Variants in DLG5 observed in about 807,000 individuals in gnomAD.
DLG5 encodes discs large MAGUK scaffold protein 5.
A neutral mutation model predicts 189.8 loss-of-function variants in DLG5; 48 were observed. The ratio of observed to expected loss-of-function variants is 0.25; its 90% CI spans 0.20 to 0.32. The LOEUF (loss-of-function observed/expected upper bound fraction) is 0.32, where lower values mean the gene tolerates loss of function less well. DLG5 is among the 10% of genes least tolerant of loss of function. DLG5 has a pLI of 1.00. For missense variants in DLG5, 2,160 were observed against 2,544.7 expected (o/e 0.85, Z 3.25); for synonymous variants, 1,016 against 1,054.1 (o/e 0.96, Z 0.70).
At chr10:77,930,408 C>T (rs141713381), upstream of DLG5, among the ~76,000 whole-genome samples, 1,366 of 148,534 alleles carry the variant, frequency 9.2e-3, 23 homozygotes, top group African/African-American at 0.032. Context: ...AGTGCAGTGG[C>T]GTGATTTTGG....
chr10:77,861,293 C>G (rs899753969), intron 2 of DLG5, among the ~76,000 whole-genome samples: 7 of 152,212 alleles, frequency 4.6e-5, no homozygotes, highest in Non-Finnish European at 1.0e-4. Flanking sequence ...ATGCTATAGT[C>G]AAGTTCAAGA....
At chr10:77,804,946 A>G (rs1342625310) in intron 27 of DLG5, among the ~76,000 whole-genome samples, 1 of 152,114 alleles carries the variant, frequency 6.6e-6, no homozygotes, top group Non-Finnish European at 1.5e-5. Context: ...GAGGCCAGCA[A>G]TGCACCCAGC....
intron 7 of DLG5, among the ~76,000 whole-genome samples, chr10:77,837,994 C>T (rs1353928179): frequency 6.6e-6 from 1 of 152,140 alleles, no homozygotes; most frequent in Admixed American, 6.5e-5. Context: ...GGAGTGGTGC[C>T]CCTGAGCAGA....
Position 77,839,396 on chromosome 10 carries a change from G to C in DLG5, c.1437+2485C>G, listed in dbSNP as rs574669039. Among the ~76,000 whole-genome samples, 3 of 152,264 alleles carry C rather than the reference G, an allele frequency of 2.0e-5. No individual in the cohort carries two copies. In the South Asian group the frequency reaches 6.2e-4, roughly 32 times the overall value. ...AGTGTCTATAATCCCAGCTACTCAGGAGGCTGAGGCAAGAGGATCGCTGGA... is the reference window on the plus strand; with the variant it reads ...AGTGTCTATAATCCCAGCTACTCAGCAGGCTGAGGCAAGAGGATCGCTGGA... On this transcript the variant is annotated intron_variant, in intron 7 of 31. Transcript: ENST00000372391.
intron 1 of DLG5, among the ~76,000 whole-genome samples, chr10:77,875,670 T>C (rs1410379911): frequency 6.6e-6 from 1 of 152,130 alleles, no homozygotes; most frequent in African/African-American, 2.4e-5. Flanking sequence ...CGGAGTGCTA[T>C]CACCTTTGGC....
Position 77,812,052 on chromosome 10 carries a change from G to A in DLG5, c.4194C>T (p.Asn1398=), listed in dbSNP as rs111845192. 68 of 1,609,722 alleles carry A rather than the reference G, an allele frequency of 4.2e-5. No homozygotes were observed. In the Middle Eastern group the frequency reaches 5.0e-4, roughly 12 times the overall value. ...CCGTGGCGCTCCGCAGGTTTATGCC[G>A]TTGAACTGGGGAAACACCAGGATGG... ...LEYGDQLLEF[N]GINLRSATEQ... The change falls in exon 22 of 32, where the codon AAC becomes AAT. Residue 1398 remains asparagine (N), a synonymous_variant. Transcript: ENST00000372391.
At chr10:77,887,548 T>C (rs1198898112) in intron 1 of DLG5, among the ~76,000 whole-genome samples, 1 of 152,172 alleles carries the variant, frequency 6.6e-6, no homozygotes, top group African/African-American at 2.4e-5. Flanking sequence ...AGAAAAAAGC[T>C]AACACGGTTA....
chr10:77,843,736 G>T, intron 5 of DLG5, 30 bp from the exon 6 acceptor site: 1 of 1,612,396 alleles, frequency 6.2e-7, no homozygotes, highest in Non-Finnish European at 8.5e-7. Context: ...ACTTACCAAG[G>T]GTCTGTGGGA....
intron 20 of DLG5, 68 bp downstream of exon 20, chr10:77,816,483 C>T: frequency 1.9e-6 from 3 of 1,609,362 alleles, no homozygotes; most frequent in East Asian, 2.2e-5. Context: ...CTGCAGAGCC[C>T]AGGCCCGCTG....
chr10:77,932,697 A>C, the DLG5 span, among the ~76,000 whole-genome samples: 6 of 152,218 alleles, frequency 3.9e-5, no homozygotes, highest in Non-Finnish European at 8.8e-5. Context: ...CCCTGGTGCC[A>C]CAGGAAATGG....
intron 17 of DLG5, among the ~76,000 whole-genome samples, chr10:77,818,404 T>C (rs2154575519): frequency 6.6e-6 from 1 of 152,290 alleles, no homozygotes; most frequent in South Asian, 2.1e-4. Context: ...GTGACATCTC[T>C]TCCCTGCTTA....
intron 1 of DLG5, among the ~76,000 whole-genome samples, chr10:77,893,433 A>C (rs1336000540): frequency 6.6e-6 from 1 of 152,226 alleles, no homozygotes; most frequent in African/African-American, 2.4e-5. Context: ...GCCCCACTTT[A>C]CTGAAGAGAA....
intron 1 of DLG5, among the ~76,000 whole-genome samples, chr10:77,902,862 AAAATAAATAAAAAAATAAATAAAT>A (rs938490162): frequency 2.7e-5 from 3 of 112,832 alleles, no homozygotes; most frequent in African/African-American, 1.1e-4. Flanking sequence ...TCCATCTCAA[AAAATAAATAAAAAAATAAATAAAT>A]AAATAAATAA....
chr10:77,914,008 T>C (rs1846293945), intron 1 of DLG5, among the ~76,000 whole-genome samples: 1 of 152,200 alleles, frequency 6.6e-6, no homozygotes, highest in African/African-American at 2.4e-5. Context: ...ATGTTCAGCT[T>C]TCTGGGATCA....
chr10:77,831,228 A>C (rs1318431315), intron 9 of DLG5, among the ~76,000 whole-genome samples: 1 of 152,096 alleles, frequency 6.6e-6, no homozygotes, highest in Non-Finnish European at 1.5e-5. Flanking sequence ...GACATGGTGA[A>C]ACCTCGTCTC....
intron 1 of DLG5, among the ~76,000 whole-genome samples, chr10:77,893,248 G>A (rs1202937600): frequency 6.6e-6 from 1 of 152,232 alleles, no homozygotes; most frequent in Admixed American, 6.5e-5. Context: ...GAGAGAAGGA[G>A]GTGAAAGTGC....
At chr10:77,827,426 A>G (rs1297898681) in intron 13 of DLG5, among the ~76,000 whole-genome samples, 1 of 152,154 alleles carries the variant, frequency 6.6e-6, no homozygotes, top group Non-Finnish European at 1.5e-5. Flanking sequence ...GGGTTTCACC[A>G]CGTTCCCCAG....
chr10:77,802,669 C>T (rs1431825279), intron 27 of DLG5, among the ~76,000 whole-genome samples: 4 of 152,216 alleles, frequency 2.6e-5, no homozygotes, highest in Non-Finnish European at 5.9e-5. Context: ...GAGGCTAAGA[C>T]AGGCGGCTCA....
chr10:77,881,238 T>C (rs559682258), intron 1 of DLG5, among the ~76,000 whole-genome samples: 2 of 152,222 alleles, frequency 1.3e-5, no homozygotes, highest in Admixed American at 1.3e-4. Context: ...TCAGAAAAAG[T>C]GATACTCACT....
Sources: gnomAD v4.1 joint callset for allele counts (sites outside exome capture counted in the v4.1 genomes callset) on GRCh38, gnomAD v4.1.1 for gene constraint, MANE v1.5 for transcripts, NCBI Gene and HGNC (gene_info 2026-07-23, HGNC 2026-07-21) for gene names.